Variants in HECW1 observed in about 807,000 individuals in gnomAD.
HECW1 encodes the protein HECT, C2 and WW domain containing E3 ubiquitin protein ligase 1, also known as E3 ubiquitin-protein ligase HECW1.
Under a neutral mutation model 182.3 loss-of-function variants are expected in HECW1, and 61 were observed. That is an observed-to-expected ratio of 0.33 (90% CI 0.27 to 0.41). HECW1 has a LOEUF of 0.41. Among genes scored for constraint, HECW1 ranks in the 10% least tolerant of loss-of-function variants. The probability of loss-of-function intolerance (pLI) is 1.00; values close to 1 mark genes in which losing one functional copy is unlikely to be tolerated. For missense variants in HECW1, 1,739 were observed against 2,108.9 expected (o/e 0.82, Z 3.44); for synonymous variants, 859 against 832.6 (o/e 1.03, Z -0.55).
At chr7:43,396,783 T>C in intron 6 of HECW1, 31 bp from the exon 7 acceptor site, 1 of 1,467,030 alleles carries the variant, frequency 6.8e-7, no homozygotes, top group East Asian at 2.3e-5. Flanking sequence ...GTGCTTGTTT[T>C]GTTTGTCTCC....
chr7:43,543,781 C>CAAAAAAAAAAAAAAAAAA (rs35618213), intron 26 of HECW1, among the ~76,000 whole-genome samples: 1 of 49,606 alleles, frequency 2.0e-5, no homozygotes, highest in Non-Finnish European at 4.5e-5. Flanking sequence ...CTCCATCTCA[C>CAAAAAAAAAAAAAAAAAA]AAAAAAAAAA....
At chr7:43,536,016 A>C (rs4724214) in intron 24 of HECW1, among the ~76,000 whole-genome samples, 1 of 152,118 alleles carries the variant, frequency 6.6e-6, no homozygotes, top group African/African-American at 2.4e-5. Context: ...CAAACCACAG[A>C]GTTGTGGTTT....
At chr7:43,214,071 T>C (rs1278566075) in intron 2 of HECW1, among the ~76,000 whole-genome samples, 1 of 152,036 alleles carries the variant, frequency 6.6e-6, no homozygotes, top group African/African-American at 2.4e-5. Flanking sequence ...TCTATATTAC[T>C]GGTATTGTTT....
chr7:43,198,999 C>A (rs1794789868), intron 2 of HECW1, among the ~76,000 whole-genome samples: 1 of 152,204 alleles, frequency 6.6e-6, no homozygotes, highest in South Asian at 2.1e-4. Context: ...AAACCATTTG[C>A]CTTCCCAGTT....
At chr7:43,237,483 C>T (rs1435246879) in intron 2 of HECW1, among the ~76,000 whole-genome samples, 2 of 152,178 alleles carry the variant, frequency 1.3e-5, no homozygotes, top group South Asian at 2.1e-4. Context: ...TCTGAATCTG[C>T]TTTTCTGCTC....
At chr7:43,517,802 A>T (rs1446154125) in intron 24 of HECW1, among the ~76,000 whole-genome samples, 1 of 152,172 alleles carries the variant, frequency 6.6e-6, no homozygotes, top group Non-Finnish European at 1.5e-5. Context: ...GCTGAATCTC[A>T]GTAGCCTCCC....
intron 24 of HECW1, among the ~76,000 whole-genome samples, chr7:43,523,425 A>G (rs2080607330): frequency 6.6e-6 from 1 of 152,198 alleles, no homozygotes; most frequent in South Asian, 2.1e-4. Context: ...CAGAAGAGAG[A>G]GAAATCTTGA....
At chr7:43,302,499 G>C (rs1240143646) in intron 3 of HECW1, among the ~76,000 whole-genome samples, 1 of 152,210 alleles carries the variant, frequency 6.6e-6, no homozygotes, top group Non-Finnish European at 1.5e-5. Flanking sequence ...TGGTGCCCTG[G>C]TTACGGGAAG....
At chr7:43,263,399 C>T (rs1801399531) in intron 3 of HECW1, among the ~76,000 whole-genome samples, 1 of 152,190 alleles carries the variant, frequency 6.6e-6, no homozygotes, top group Non-Finnish European at 1.5e-5. Context: ...CTCACTCTGT[C>T]ACTCAGGCTG....
At chr7:43,340,383 G>C (rs957797085) in intron 5 of HECW1, among the ~76,000 whole-genome samples, 1 of 150,986 alleles carries the variant, frequency 6.6e-6, no homozygotes, top group Non-Finnish European at 1.5e-5. Flanking sequence ...ATCACGCCCA[G>C]CTAATTTTTG....
rs945708036 is a variant in HECW1 at position 43,432,305 on chromosome 7, A to C, written c.802-5698A>C. ...CAGGCGCCCGCCACTACACCCGGCT[A>C]ATTTTTTGTATTTTTAGTAGAGACG... is the stretch of plus-strand genomic sequence containing the variant. On this transcript the variant is annotated intron_variant, in intron 8 of 29. Coordinates refer to ENST00000395891, the MANE Select transcript of HECW1 (RefSeq NM_015052.5). This position sits in a 1 kb window ranked among gnomAD's most constrained non-coding sequence, Gnocchi z 4.1. 2.0e-5 allele frequency among the ~76,000 whole-genome samples: 3 copies of C among 151,092 alleles called. No homozygotes were observed. Among genetic ancestry groups the C allele is most frequent in the Admixed American group, 6.6e-5 (1 of 15,194 alleles).
At chr7:43,134,393 C>CAAAAAAAAAAAA (rs35414360) in intron 2 of HECW1, among the ~76,000 whole-genome samples, 1 of 87,770 alleles carries the variant, frequency 1.1e-5, no homozygotes, top group African/African-American at 4.8e-5. Context: ...GACTCTGTCT[C>CAAAAAAAAAAAA]AAAAAAAAAA....
intron 6 of HECW1, among the ~76,000 whole-genome samples, chr7:43,375,207 G>A (rs1166187775): frequency 6.6e-6 from 1 of 152,038 alleles, no homozygotes; most frequent in Non-Finnish European, 1.5e-5. Flanking sequence ...AGAAACTGTC[G>A]GACGCCTGGA....
chr7:43,351,142 G>A (rs952857633), intron 5 of HECW1, among the ~76,000 whole-genome samples: 9 of 152,170 alleles, frequency 5.9e-5, no homozygotes, highest in African/African-American at 1.9e-4. Flanking sequence ...TTTCTTCTGG[G>A]TCTAGCCACC....
chr7:43,274,299 T>C (rs2152743106), intron 3 of HECW1: 1 of 1,041,212 alleles, frequency 9.6e-7, no homozygotes. Context: ...TCTGGTACTT[T>C]GTATCTCAGT....
rs1318485552 is a variant in HECW1 at position 43,374,633 on chromosome 7, G to A, written c.555+13653G>A. Among the ~76,000 whole-genome samples, 2 of 79,420 alleles carry A rather than the reference G, an allele frequency of 2.5e-5. 1 individual carries two copies. Among genetic ancestry groups the A allele is most frequent in the Admixed American group, 2.3e-4 (2 of 8,782 alleles). 52.1% of individuals were successfully genotyped at this position (79,420 alleles called of 152,430 possible). ...ACTAAAAATACAAAAAATTAGCCGG[G>A]CGCAGTGGCGGGCGCCTGTAGTCCC... On this transcript the variant is annotated intron_variant, in intron 6 of 29. Transcript: ENST00000395891.
At chr7:43,491,864 C>T (rs377225923) in intron 17 of HECW1, among the ~76,000 whole-genome samples, 1 of 152,214 alleles carries the variant, frequency 6.6e-6, no homozygotes, top group South Asian at 2.1e-4. Flanking sequence ...GCTAGGATTA[C>T]AGGCGTGAGC....
chr7:43,191,361 C>T (rs1486843987), intron 2 of HECW1, among the ~76,000 whole-genome samples: 1 of 152,200 alleles, frequency 6.6e-6, no homozygotes, highest in African/African-American at 2.4e-5. Flanking sequence ...TGTAGCTTGC[C>T]AGTTAGCTGC....
At chr7:43,175,132 T>C (rs968986163) in intron 2 of HECW1, among the ~76,000 whole-genome samples, 10 of 152,156 alleles carry the variant, frequency 6.6e-5, no homozygotes, top group African/African-American at 2.4e-4. Flanking sequence ...AAGTTTTTGT[T>C]GGATTTCATG....
Sources: gnomAD v4.1 joint callset for allele counts (sites outside exome capture counted in the v4.1 genomes callset) on GRCh38, gnomAD v4.1.1 for gene constraint, Gnocchi (gnomAD v3.1) non-coding constraint, MANE v1.5 for transcripts, NCBI Gene and HGNC (gene_info 2026-07-23, HGNC 2026-07-21) for gene names.